Variants in EXOC4 observed in about 807,000 individuals in gnomAD.
The protein encoded by EXOC4 is exocyst complex component 4.
Under a neutral mutation model 107.2 loss-of-function variants are expected in EXOC4, and 71 were observed. The observed-to-expected ratio is 0.66, with a 90% CI of 0.55 to 0.81. EXOC4 has a LOEUF of 0.81. EXOC4 is among the 30% of genes least tolerant of loss of function. EXOC4 has a pLI of 0.00. For synonymous variants in EXOC4, 456 were observed against 441.2 expected (o/e 1.03, Z -0.42); for missense variants, 1,108 against 1,189.6 (o/e 0.93, Z 1.01).
intron 7 of EXOC4, among the ~76,000 whole-genome samples, chr7:133,453,339 ATACT>A (rs1280690898): frequency 2.6e-5 from 4 of 152,170 alleles, no homozygotes; most frequent in African/African-American, 9.6e-5. Context: ...TGGAACAGTG[ATACT>A]TACTTTCTGT....
At chr7:133,717,409 A>G (rs534839571) in intron 10 of EXOC4, among the ~76,000 whole-genome samples, 4 of 152,268 alleles carry the variant, frequency 2.6e-5, no homozygotes, top group African/African-American at 9.6e-5. Context: ...GCACTACTAG[A>G]ATGTAGCTGT....
chr7:134,078,280 T>C, the EXOC4 span, among the ~76,000 whole-genome samples: 1 of 151,710 alleles, frequency 6.6e-6, no homozygotes, highest in Admixed American at 6.6e-5. Context: ...TCTATGTAAA[T>C]CCAACACATA....
intron 2 of EXOC4, among the ~76,000 whole-genome samples, chr7:133,286,130 C>A (rs915059890): frequency 6.6e-6 from 1 of 151,992 alleles, no homozygotes; most frequent in Non-Finnish European, 1.5e-5. Flanking sequence ...CTTTTCCTTC[C>A]TTGGAACTCC....
the EXOC4 span, among the ~76,000 whole-genome samples, chr7:134,097,331 T>C: frequency 6.6e-6 from 1 of 151,856 alleles, no homozygotes; most frequent in Non-Finnish European, 1.5e-5. Flanking sequence ...GGCTAAACAT[T>C]ACCCAATTTA....
intron 10 of EXOC4, among the ~76,000 whole-genome samples, chr7:133,815,704 A>G (rs1277838873): frequency 6.6e-6 from 1 of 152,100 alleles, no homozygotes; most frequent in Non-Finnish European, 1.5e-5. Flanking sequence ...TTTGTTGCCA[A>G]CATCACTTCC....
intron 9 of EXOC4, among the ~76,000 whole-genome samples, chr7:133,573,477 A>G (rs1203105508): frequency 2.0e-5 from 3 of 152,144 alleles, no homozygotes; most frequent in Non-Finnish European, 4.4e-5. Flanking sequence ...TCCTCTACTT[A>G]GGCCCATTTA....
At chr7:133,333,566 T>C (rs544712559) in intron 5 of EXOC4, among the ~76,000 whole-genome samples, 2 of 152,338 alleles carry the variant, frequency 1.3e-5, no homozygotes, top group South Asian at 4.1e-4. Flanking sequence ...TGCATGCTTA[T>C]GTATATTACA....
At chr7:133,925,581 A>G (rs1427550567) in intron 13 of EXOC4, among the ~76,000 whole-genome samples, 4 of 152,080 alleles carry the variant, frequency 2.6e-5, no homozygotes, top group African/African-American at 9.7e-5. Context: ...CCCCACCCCA[A>G]ATGGTTACCC....
chr7:134,050,496 T>A (rs533226987), intron 17 of EXOC4, among the ~76,000 whole-genome samples: 5 of 145,274 alleles, frequency 3.4e-5, no homozygotes, highest in East Asian at 2.0e-4. Flanking sequence ...GAGTTTTTTT[T>A]TAAAAAAGAT....
intron 10 of EXOC4, among the ~76,000 whole-genome samples, chr7:133,683,393 G>A (rs1054751646): frequency 6.6e-6 from 1 of 152,064 alleles, no homozygotes; most frequent in African/African-American, 2.4e-5. Flanking sequence ...TTTATATGCA[G>A]CGTTGGTTCA....
intron 13 of EXOC4, among the ~76,000 whole-genome samples, chr7:133,928,888 A>C (rs1322038757): frequency 1.3e-5 from 2 of 149,618 alleles, no homozygotes; most frequent in Admixed American, 1.3e-4. Context: ...AGAGATGGTG[A>C]AAAACTACTG....
chr7:133,719,560 G>A (rs545781426), intron 10 of EXOC4, among the ~76,000 whole-genome samples: 2 of 151,742 alleles, frequency 1.3e-5, no homozygotes, highest in African/African-American at 4.8e-5. Context: ...TAAGCCCTTA[G>A]TTGCAGTGTG....
the EXOC4 span, among the ~76,000 whole-genome samples, chr7:134,080,366 A>G: frequency 6.6e-6 from 1 of 152,200 alleles, no homozygotes; most frequent in South Asian, 2.1e-4. Flanking sequence ...TTGGGGAGAT[A>G]AGGTTGGAGA....
At chr7:133,664,415 T>C (rs1562897900) in intron 10 of EXOC4, among the ~76,000 whole-genome samples, 1 of 152,114 alleles carries the variant, frequency 6.6e-6, no homozygotes, top group Non-Finnish European at 1.5e-5. Flanking sequence ...AGTCAGGGTA[T>C]GTCAGTGTAT....
chr7:134,033,257 T>C (rs1795308342), intron 17 of EXOC4, among the ~76,000 whole-genome samples: 1 of 152,144 alleles, frequency 6.6e-6, no homozygotes, highest in African/African-American at 2.4e-5. Context: ...TAAAAATATA[T>C]ATCCTACAGG....
chr7:133,667,304 A>G (rs1177858147), intron 10 of EXOC4, among the ~76,000 whole-genome samples: 1 of 152,150 alleles, frequency 6.6e-6, no homozygotes, highest in African/African-American at 2.4e-5. Flanking sequence ...GTTGTGAGCA[A>G]TGATGATGAC....
chr7:133,338,867 C>G (rs186444548), intron 5 of EXOC4, among the ~76,000 whole-genome samples: 1 of 150,634 alleles, frequency 6.6e-6, no homozygotes, highest in Non-Finnish European at 1.5e-5. Flanking sequence ...ATTCTCCTGC[C>G]TCAGCCTCCT....
intron 10 of EXOC4, among the ~76,000 whole-genome samples, chr7:133,680,995 G>A (rs930293504): frequency 1.3e-5 from 2 of 152,060 alleles, no homozygotes; most frequent in African/African-American, 4.8e-5. Context: ...AAGATTTCAG[G>A]GAACCTGGTC....
At chr7:133,370,859 T>C (rs796911924) in intron 6 of EXOC4, among the ~76,000 whole-genome samples, 6 of 152,324 alleles carry the variant, frequency 3.9e-5, no homozygotes, top group African/African-American at 1.4e-4. Context: ...CCTAATTCGA[T>C]TTTTCCAGCA....
Sources: allele counts gnomAD v4.1 joint callset (sites outside exome capture counted in the v4.1 genomes callset), GRCh38; gene constraint gnomAD v4.1.1; transcripts MANE v1.5; gene names NCBI Gene and HGNC (gene_info 2026-07-23, HGNC 2026-07-21).